ST8SIA5: variants seen among roughly 807,000 people sequenced by gnomAD.
The protein encoded by ST8SIA5 is ST8 alpha-N-acetyl-neuraminide alpha-2,8-sialyltransferase 5.
Under a neutral mutation model 40.2 loss-of-function variants are expected in ST8SIA5, and 24 were observed. The observed-to-expected ratio is 0.60, with a 90% CI of 0.43 to 0.84. The LOEUF (loss-of-function observed/expected upper bound fraction) is 0.84. Ranked by LOEUF, ST8SIA5 falls within the 40% of genes least tolerant of loss-of-function variation. The pLI is 0.00. For synonymous variants in ST8SIA5, 198 were observed against 201.8 expected (o/e 0.98, Z 0.16); for missense variants, 465 against 498.5 (o/e 0.93, Z 0.64).
At chr18:46,732,197 C>T (rs1029899206) in intron 1 of ST8SIA5, among the ~76,000 whole-genome samples, 6 of 152,234 alleles carry the variant, frequency 3.9e-5, no homozygotes, top group African/African-American at 1.4e-4. Flanking sequence ...CCCTGAGTTG[C>T]AGCATCTTGC....
chr18:46,753,824 G>C (rs1489734545), intron 1 of ST8SIA5, among the ~76,000 whole-genome samples: 6 of 152,170 alleles, frequency 3.9e-5, no homozygotes, highest in Admixed American at 3.9e-4. Context: ...GGGAATAGGG[G>C]ATTGAGAACC....
chr18:46,715,111 C>T (rs12455864), intron 1 of ST8SIA5, among the ~76,000 whole-genome samples: 15 of 152,340 alleles, frequency 9.8e-5, no homozygotes, highest in Admixed American at 8.5e-4. Context: ...AGCATCCAGC[C>T]CAGAACATTC....
At chr18:46,680,549 C>T in intron 6 of ST8SIA5, 39 bp from the exon 7 acceptor site, 1 of 1,516,028 alleles carries the variant, frequency 6.6e-7, no homozygotes, top group Non-Finnish European at 8.9e-7. Flanking sequence ...ACCCACTCCT[C>T]CGTGCCCTCA....
intron 1 of ST8SIA5, among the ~76,000 whole-genome samples, chr18:46,725,972 AATATAT>A (rs1555696955): frequency 1.0e-3 from 30 of 29,056 alleles, no homozygotes; most frequent in Middle Eastern, 0.038. Context: ...AAAAAAAAAA[AATATAT>A]ATATATATAT....
chr18:46,687,894 C>G (rs1176768089), intron 4 of ST8SIA5, among the ~76,000 whole-genome samples: 1 of 152,224 alleles, frequency 6.6e-6, no homozygotes, highest in Non-Finnish European at 1.5e-5. Context: ...TGCAACCTTC[C>G]TCCTCTTCAG....
intron 6 of ST8SIA5, among the ~76,000 whole-genome samples, chr18:46,681,414 C>A (rs1397197884): frequency 6.6e-6 from 1 of 152,232 alleles, no homozygotes; most frequent in Non-Finnish European, 1.5e-5. Flanking sequence ...ACTGTCCCCT[C>A]CTCTTACATG....
At chr18:46,722,926 A>G (rs985714687) in intron 1 of ST8SIA5, 1 of 152,240 alleles carries the variant, frequency 6.6e-6, no homozygotes, top group African/African-American at 2.4e-5. Flanking sequence ...AAAACAAAAC[A>G]AAATAAAACA....
intron 2 of ST8SIA5, among the ~76,000 whole-genome samples, chr18:46,693,549 G>A (rs779886541): frequency 5.9e-5 from 9 of 152,118 alleles, no homozygotes; most frequent in South Asian, 2.1e-4. Context: ...CCCTTTGACC[G>A]AAACCTGCAA....
chr18:46,694,064 G>A (rs1371944330), intron 2 of ST8SIA5, among the ~76,000 whole-genome samples: 1 of 152,180 alleles, frequency 6.6e-6, no homozygotes, highest in Non-Finnish European at 1.5e-5. Context: ...GTTCCACTGA[G>A]GCCCTGGCCT....
In ST8SIA5 at chr18:46,668,056, C is replaced by T. The variant is rs1399102389; in HGVS notation, c.*11986G>A. 2.0e-5 allele frequency: 3 copies of T among 152,262 alleles called. No homozygotes were observed. Among genetic ancestry groups the T allele is most frequent in the African/African-American group, 7.2e-5 (3 of 41,458 alleles). 9.4% of individuals were successfully genotyped at this position (152,262 alleles called of 1,614,324 possible). On this transcript the variant is annotated 3_prime_UTR_variant, in exon 7 of 7. Transcript: ENST00000315087. ...AAGATCAGGCCTGCAGCCCCCATGT[C>T]CCCAAACTGTCTTTGAATGGCACAG...
chr18:46,729,891 G>C (rs1434921033), intron 1 of ST8SIA5, among the ~76,000 whole-genome samples: 4 of 152,108 alleles, frequency 2.6e-5, no homozygotes, highest in Non-Finnish European at 5.9e-5. Context: ...AGGTTAGGGG[G>C]TGGTGAGAGG....
intron 1 of ST8SIA5, among the ~76,000 whole-genome samples, chr18:46,723,861 G>T (rs2039887915): frequency 6.6e-6 from 1 of 152,068 alleles, no homozygotes; most frequent in Admixed American, 6.5e-5. Context: ...GGGAGGTGAA[G>T]GTTGCAGTGA....
Position 46,679,916 on chromosome 18 carries a change from G to A in ST8SIA5, c.*126C>T. On this transcript the variant is annotated 3_prime_UTR_variant, in exon 7 of 7. Coordinates refer to ENST00000315087, the MANE Select transcript of ST8SIA5 (RefSeq NM_013305.6). The stretch of plus-strand genomic sequence containing the variant: ...TACCCCAGGATCCAAGTACAGAGCT[G>A]AACAATGGAGGGAGAGACAGCCTGA... 1.1e-6 allele frequency: 1 copy of A among 932,874 alleles called. No individual in the cohort carries two copies. The highest frequency in any genetic ancestry group is 2.8e-5 in the Admixed American group (1 of 35,892). The allele number at this position is 932,874 out of a possible 1,614,324, so 57.8% of individuals were successfully genotyped here.
chr18:46,714,723 A>G (rs1006330052), intron 1 of ST8SIA5, among the ~76,000 whole-genome samples: 3 of 152,156 alleles, frequency 2.0e-5, no homozygotes, highest in Non-Finnish European at 4.4e-5. Flanking sequence ...ACGGAGCCCT[A>G]TGGGGACCTG....
intron 1 of ST8SIA5, among the ~76,000 whole-genome samples, chr18:46,739,527 C>A (rs1262622858): frequency 6.6e-6 from 1 of 152,122 alleles, no homozygotes; most frequent in Non-Finnish European, 1.5e-5. Context: ...GAGCGAGACT[C>A]CACCTCGAAA....
intron 1 of ST8SIA5, among the ~76,000 whole-genome samples, chr18:46,724,079 C>T (rs186148318): frequency 1.3e-5 from 2 of 152,364 alleles, no homozygotes; most frequent in Non-Finnish European, 2.9e-5. Flanking sequence ...TGAGTCTCTG[C>T]ACCTCTCAAG....
chr18:46,701,071 C>T (rs1279479482), intron 2 of ST8SIA5, among the ~76,000 whole-genome samples: 4 of 144,198 alleles, frequency 2.8e-5, no homozygotes, highest in African/African-American at 5.1e-5. Context: ...CCCTAAAATT[C>T]GTATGCTTAG....
intron 1 of ST8SIA5, among the ~76,000 whole-genome samples, chr18:46,725,968 A>ATAT (rs2039915052): frequency 5.8e-5 from 2 of 34,452 alleles, no homozygotes; most frequent in African/African-American, 1.4e-4. Flanking sequence ...TTAAAAAAAA[A>ATAT]AAAAATATAT....
At chr18:46,737,776 A>AT (rs898452796) in intron 1 of ST8SIA5, among the ~76,000 whole-genome samples, 70 of 147,440 alleles carry the variant, frequency 4.7e-4, no homozygotes, top group African/African-American at 6.2e-4. Flanking sequence ...TTAATAATTA[A>AT]TTTTTTTTTT....
Sources: allele counts gnomAD v4.1 joint callset (sites outside exome capture counted in the v4.1 genomes callset), GRCh38; gene constraint gnomAD v4.1.1; transcripts MANE v1.5; gene names NCBI Gene and HGNC (gene_info 2026-07-23, HGNC 2026-07-21).